WDR35: variants seen among roughly 807,000 people sequenced by gnomAD.
The protein encoded by WDR35 is WD repeat domain 35.
In WDR35, 118 loss-of-function variants were observed where a neutral mutation model predicts 158.3. That is an observed-to-expected ratio of 0.75 (90% CI 0.64 to 0.87). The LOEUF (loss-of-function observed/expected upper bound fraction) is 0.87. Ranked by LOEUF, WDR35 falls within the 40% of genes least tolerant of loss-of-function variation. The probability of loss-of-function intolerance (pLI) is 0.00; values close to 1 mark genes in which losing one functional copy is unlikely to be tolerated. For missense variants in WDR35, 1,263 were observed against 1,405.8 expected (o/e 0.90, Z 1.62); for synonymous variants, 448 against 476.1 (o/e 0.94, Z 0.77).
At chr2:19,958,861 G>C (rs900877212) in intron 11 of WDR35, among the ~76,000 whole-genome samples, 1 of 152,132 alleles carries the variant, frequency 6.6e-6, no homozygotes, top group African/African-American at 2.4e-5. Flanking sequence ...GAGTATAACA[G>C]AGTCCCACAA....
chr2:19,929,741 C>T (rs1670469795), intron 25 of WDR35, among the ~76,000 whole-genome samples: 1 of 152,082 alleles, frequency 6.6e-6, no homozygotes, highest in South Asian at 2.1e-4. Context: ...AAACCATGCT[C>T]CTGCATGTAG....
intron 25 of WDR35, among the ~76,000 whole-genome samples, chr2:19,929,320 T>A (rs1670455712): frequency 6.6e-6 from 1 of 152,150 alleles, no homozygotes; most frequent in Middle Eastern, 3.2e-3. Flanking sequence ...TCTCTAAAAG[T>A]TTTCTTTTAA....
In WDR35 at chr2:19,923,853, T is replaced by C. The variant is rs528089123; in HGVS notation, c.3121+6543A>G. ...TCAAAGAATTTAAACAAGCTATAAA[T>C]CAGTATGGACCAGGTTCTCATTTTG... On this transcript the variant is annotated intron_variant, in intron 25 of 26. Coordinates refer to ENST00000281405, the MANE Select transcript of WDR35 (RefSeq NM_020779.4). 1.3e-3 allele frequency among the ~76,000 whole-genome samples: 203 copies of C among 152,306 alleles called. 1 individual carries two copies. Among genetic ancestry groups the C allele is most frequent in the African/African-American group, 4.8e-3 (201 of 41,574 alleles).
chr2:19,975,479 C>A lies in WDR35; in HGVS notation c.570+51G>T. On this transcript the variant is annotated intron_variant, in intron 6 of 26. Coordinates refer to ENST00000281405, the MANE Select transcript of WDR35 (RefSeq NM_020779.4). ...TATATACAAACATGAATGATATGTA[C>A]GATAATCATATAAAATTGTATAAAC... The A allele has an allele frequency of 7.0e-6, 11 of 1,565,262 alleles. 1 individual carries two copies. The highest frequency in any genetic ancestry group is 6.8e-5 in the African/African-American group (5 of 73,618).
chr2:19,937,405 T>C (rs1670730697), intron 19 of WDR35, among the ~76,000 whole-genome samples: 1 of 152,048 alleles, frequency 6.6e-6, no homozygotes, highest in South Asian at 2.1e-4. Context: ...AATAATGGCC[T>C]AAACAAACAA....
intron 25 of WDR35, among the ~76,000 whole-genome samples, chr2:19,928,838 G>A (rs369226250): frequency 2.7e-5 from 4 of 149,244 alleles, no homozygotes; most frequent in Admixed American, 1.3e-4. Flanking sequence ...ACGGAGTCTC[G>A]CTCTGTCACC....
intron 10 of WDR35, among the ~76,000 whole-genome samples, chr2:19,963,166 C>T (rs1249512750): frequency 6.6e-6 from 1 of 152,116 alleles, no homozygotes; most frequent in Non-Finnish European, 1.5e-5. Flanking sequence ...CTTTCCATCC[C>T]TCTCTCTATT....
chr2:19,966,083 A>C (rs1671842222), intron 10 of WDR35, among the ~76,000 whole-genome samples: 1 of 152,184 alleles, frequency 6.6e-6, no homozygotes, highest in Non-Finnish European at 1.5e-5. Context: ...AGCAAGTTTC[A>C]GGAGAGAACA....
chr2:19,989,812 C>T (rs1672692457), intron 1 of WDR35, among the ~76,000 whole-genome samples, 180 bp downstream of exon 1: 1 of 152,152 alleles, frequency 6.6e-6, no homozygotes, highest in African/African-American at 2.4e-5. Flanking sequence ...CGGCCAAAGA[C>T]TGAGGCTCTG....
chr2:19,933,446 A>G lies in WDR35; in HGVS notation c.2613T>C (p.Cys871=). Reference sequence around the variant, plus strand: ...TATCTACTGCTGCCTTTGGTTGACTACATTTCAAAAATGCAGTCACTGCTT... The same window carrying G: ...TATCTACTGCTGCCTTTGGTTGACTGCATTTCAAAAATGCAGTCACTGCTT... The part of the protein sequence containing the change: ...CEQAVTAFLK[C]SQPKAAVDTC... Residue 871 remains cysteine, a synonymous_variant, in exon 22 of 27, where the codon TGT becomes TGC. Transcript: ENST00000281405. The G allele has an allele frequency of 6.2e-7, 1 of 1,614,018 alleles. No homozygotes were observed. Among genetic ancestry groups the G allele is most frequent in the South Asian group, 1.1e-5 (1 of 91,084 alleles).
intron 10 of WDR35, 49 bp from the exon 11 acceptor site, chr2:19,960,663 T>C: frequency 1.5e-6 from 2 of 1,350,408 alleles, no homozygotes; most frequent in Non-Finnish European, 1.1e-6. Flanking sequence ...TTATGAATAA[T>C]AAAGGAAATA....
chr2:19,925,538 C>T (rs1670331236), intron 25 of WDR35, among the ~76,000 whole-genome samples: 1 of 152,222 alleles, frequency 6.6e-6, no homozygotes, highest in African/African-American at 2.4e-5. Context: ...CTCTACAGCA[C>T]TGGCCATCTG....
At chr2:19,963,900 C>T (rs1671749643) in intron 10 of WDR35, among the ~76,000 whole-genome samples, 1 of 152,116 alleles carries the variant, frequency 6.6e-6, no homozygotes, top group Non-Finnish European at 1.5e-5. Flanking sequence ...CCCGCCACCA[C>T]ACCTGGCTAA....
At chr2:19,916,062 G>C (rs1176559889) in intron 25 of WDR35, among the ~76,000 whole-genome samples, 1 of 152,164 alleles carries the variant, frequency 6.6e-6, no homozygotes, top group East Asian at 1.9e-4. Context: ...TCATCTCATT[G>C]GGACTAGTTG....
chr2:19,959,625 A>T (rs1049014851), intron 11 of WDR35, among the ~76,000 whole-genome samples: 3 of 151,964 alleles, frequency 2.0e-5, no homozygotes, highest in Non-Finnish European at 4.4e-5. Flanking sequence ...TGAGGTCATT[A>T]TTTCTCATAT....
At chr2:19,918,599 T>A (rs1272606109) in intron 25 of WDR35, among the ~76,000 whole-genome samples, 1 of 152,132 alleles carries the variant, frequency 6.6e-6, no homozygotes, top group Non-Finnish European at 1.5e-5. Flanking sequence ...GTTGCAATCC[T>A]AGTCTCTGAA....
chr2:19,929,346 A>T (rs1444626779), intron 25 of WDR35, among the ~76,000 whole-genome samples: 1 of 152,236 alleles, frequency 6.6e-6, no homozygotes, highest in Non-Finnish European at 1.5e-5. Flanking sequence ...TGCCATTGGA[A>T]TACAGATTCA....
chr2:19,931,304 C>T lies in WDR35; in HGVS notation c.2929G>A (p.Ala977Thr), dbSNP rs780907812. The change falls in exon 24 of 27, where the codon GCC becomes ACC. Residue 977 changes from alanine to threonine, a missense_variant. Coordinates refer to ENST00000281405, the MANE Select transcript of WDR35 (RefSeq NM_020779.4). ...IEQYHEQMKNAQRGKVKGKSS... is the reference protein window; with the variant it reads ...IEQYHEQMKNTQRGKVKGKSS... ...TTTCCTTTAACTTTTCCTCGCTGGGCATTCTTCATCTGTTCATGGTATTGC... is the reference window on the plus strand; with the variant it reads ...TTTCCTTTAACTTTTCCTCGCTGGGTATTCTTCATCTGTTCATGGTATTGC... 2.5e-6 allele frequency: 4 copies of T among 1,612,858 alleles called. No homozygotes were observed. The highest frequency in any genetic ancestry group is 3.4e-6 in the Non-Finnish European group (4 of 1,179,620).
chr2:19,987,311 CTCA>C (rs1672600012), intron 2 of WDR35, among the ~76,000 whole-genome samples: 1 of 152,112 alleles, frequency 6.6e-6, no homozygotes, highest in Non-Finnish European at 1.5e-5. Context: ...AGCCATATTC[CTCA>C]TATTTATTTC....
Sources: gnomAD v4.1 joint callset for allele counts (sites outside exome capture counted in the v4.1 genomes callset) on GRCh38, gnomAD v4.1.1 for gene constraint, MANE v1.5 for transcripts, NCBI Gene and HGNC (gene_info 2026-07-23, HGNC 2026-07-21) for gene names.